Variants in MAPKAP1 observed in about 807,000 individuals in gnomAD.
MAPKAP1 encodes the protein MAPK associated protein 1.
In MAPKAP1, 20 loss-of-function variants were observed where a neutral mutation model predicts 65.7. The observed-to-expected ratio is 0.30, with a 90% confidence interval of 0.21 to 0.44. The LOEUF (loss-of-function observed/expected upper bound fraction) is 0.44, where lower values mean the gene tolerates loss of function less well. Among genes scored for constraint, MAPKAP1 ranks in the 20% least tolerant of loss-of-function variants. The pLI, the probability that MAPKAP1 is intolerant of heterozygous loss-of-function variation, is 1.00. For synonymous variants in MAPKAP1, 222 were observed against 244.3 expected (o/e 0.91, Z 0.85); for missense variants, 423 against 648.0 (o/e 0.65, Z 3.77).
chr9:125,566,395 T>C (rs981102580), intron 5 of MAPKAP1, among the ~76,000 whole-genome samples: 3 of 152,006 alleles, frequency 2.0e-5, no homozygotes, highest in East Asian at 1.9e-4. Context: ...TGAAACCCCA[T>C]CTCTATAAAA....
chr9:125,622,577 C>T (rs1201669935), intron 4 of MAPKAP1, among the ~76,000 whole-genome samples: 3 of 151,898 alleles, frequency 2.0e-5, no homozygotes, highest in African/African-American at 7.3e-5. Context: ...TCCTGAGTAG[C>T]TAGGATTGCA....
At chr9:125,566,371 C>A (rs528594422) in intron 5 of MAPKAP1, among the ~76,000 whole-genome samples, 9 of 152,186 alleles carry the variant, frequency 5.9e-5, no homozygotes, top group African/African-American at 2.2e-4. Context: ...TTGAGACTAG[C>A]CTGGGCAACA....
chr9:125,605,747 C>T (rs1261182043), intron 4 of MAPKAP1, among the ~76,000 whole-genome samples: 1 of 152,152 alleles, frequency 6.6e-6, no homozygotes, highest in East Asian at 1.9e-4. Context: ...TAATTATTCT[C>T]CCTCACCCTA....
At chr9:125,677,565 G>A (rs1834685895) in intron 1 of MAPKAP1, among the ~76,000 whole-genome samples, 2 of 152,078 alleles carry the variant, frequency 1.3e-5, no homozygotes, top group Admixed American at 1.3e-4. Context: ...GCGTGGTGGT[G>A]CGTACCTATA....
At chr9:125,552,866 T>C (rs930404026) in intron 6 of MAPKAP1, among the ~76,000 whole-genome samples, 2 of 152,178 alleles carry the variant, frequency 1.3e-5, no homozygotes, top group Admixed American at 6.5e-5. Context: ...CAGTCCAGCC[T>C]GGGCAGCATA....
intron 10 of MAPKAP1, among the ~76,000 whole-genome samples, chr9:125,456,095 C>A (rs1442368320): frequency 6.6e-6 from 1 of 152,142 alleles, no homozygotes; most frequent in Non-Finnish European, 1.5e-5. Context: ...TGCATTATTT[C>A]TAATGAGAAG....
intron 6 of MAPKAP1, among the ~76,000 whole-genome samples, chr9:125,555,480 C>T (rs958869686): frequency 6.6e-6 from 1 of 152,202 alleles, no homozygotes; most frequent in Admixed American, 6.5e-5. Flanking sequence ...GTACTGGAGC[C>T]CCGGGAATAG....
chr9:125,583,624 A>G (rs969165939), intron 5 of MAPKAP1, among the ~76,000 whole-genome samples: 1 of 152,260 alleles, frequency 6.6e-6, no homozygotes, highest in Non-Finnish European at 1.5e-5. Context: ...ATTATGTGAC[A>G]TAAGAAAGCT....
At chr9:125,683,672 T>A (rs550590081) in intron 1 of MAPKAP1, among the ~76,000 whole-genome samples, 1 of 152,228 alleles carries the variant, frequency 6.6e-6, no homozygotes, top group East Asian at 1.9e-4. Flanking sequence ...CTTAATTTCA[T>A]CCCTTTAAGA....
chr9:125,492,614 A>G (rs1453921219), intron 8 of MAPKAP1, among the ~76,000 whole-genome samples: 1 of 152,240 alleles, frequency 6.6e-6, no homozygotes, highest in African/African-American at 2.4e-5. Context: ...CATAGCTCAG[A>G]TGAACTCACC....
intron 4 of MAPKAP1, chr9:125,650,228 T>A (rs1833854480): frequency 6.6e-6 from 1 of 152,184 alleles, no homozygotes; most frequent in Non-Finnish European, 1.5e-5. Flanking sequence ...CACAAACCCT[T>A]CTCAGGGATA....
intron 7 of MAPKAP1, among the ~76,000 whole-genome samples, chr9:125,538,414 G>A (rs1028641585): frequency 2.0e-5 from 3 of 152,134 alleles, no homozygotes; most frequent in Non-Finnish European, 4.4e-5. Flanking sequence ...AGGCAGTGCA[G>A]GAAAAATTCA....
intron 4 of MAPKAP1, among the ~76,000 whole-genome samples, chr9:125,610,656 C>T (rs1330848604): frequency 3.9e-5 from 6 of 152,180 alleles, no homozygotes; most frequent in African/African-American, 1.4e-4. Flanking sequence ...GTAAAACTGC[C>T]TGTCTTCCCC....
intron 3 of MAPKAP1, among the ~76,000 whole-genome samples, chr9:125,667,458 T>G (rs1452554008): frequency 1.4e-5 from 2 of 147,030 alleles, no homozygotes; most frequent in African/African-American, 2.5e-5. Context: ...TAGCTAGAAT[T>G]ACAGGCGCAC....
At position 125,658,054 on chromosome 9, in the gene MAPKAP1, C is replaced by T. The variant is rs181192304; in HGVS notation, c.350-255G>A. 2.6e-3 allele frequency among the ~76,000 whole-genome samples: 401 copies of T among 152,240 alleles called. 2 individuals carry two copies. Among genetic ancestry groups the T allele is most frequent in the South Asian group, 5.8e-3 (28 of 4,828 alleles). On this transcript the variant is annotated intron_variant, in intron 3 of 11. Transcript: ENST00000265960. ...AGAATCAGACAAAGTAACAAAGGAG[C>T]CATTTTATAGGAAGAGCACTCACAG...
chr9:125,566,713 G>A (rs1260688989), intron 5 of MAPKAP1, among the ~76,000 whole-genome samples: 1 of 152,004 alleles, frequency 6.6e-6, no homozygotes, highest in Non-Finnish European at 1.5e-5. Flanking sequence ...ATCCCATTTC[G>A]ACCTTGCCAT....
intron 5 of MAPKAP1, among the ~76,000 whole-genome samples, chr9:125,575,177 G>A (rs1359981252): frequency 6.6e-6 from 1 of 152,126 alleles, no homozygotes; most frequent in African/African-American, 2.4e-5. Context: ...CAAAGCTCTT[G>A]CAAAAAATTT....
chr9:125,649,941 C>T (rs1263872500), intron 4 of MAPKAP1, among the ~76,000 whole-genome samples: 2 of 152,066 alleles, frequency 1.3e-5, no homozygotes, highest in African/African-American at 4.8e-5. Context: ...ATTATGGCCT[C>T]GTTCTTTGAG....
chr9:125,504,683 C>G (rs1022194755), intron 8 of MAPKAP1, among the ~76,000 whole-genome samples: 2 of 152,110 alleles, frequency 1.3e-5, no homozygotes, highest in African/African-American at 4.8e-5. Flanking sequence ...ATCCCAGTTA[C>G]TTGGGAGGCT....
Sources: gnomAD v4.1 joint callset for allele counts (sites outside exome capture counted in the v4.1 genomes callset) on GRCh38, gnomAD v4.1.1 for gene constraint, MANE v1.5 for transcripts, NCBI Gene and HGNC (gene_info 2026-07-23, HGNC 2026-07-21) for gene names.